Variants in SLC2A9 observed in about 807,000 individuals in gnomAD.
SLC2A9 encodes the protein solute carrier family 2, facilitated glucose transporter member 9.
A neutral mutation model predicts 50.6 loss-of-function variants in SLC2A9; 39 were observed. That is an observed-to-expected ratio of 0.77 (90% confidence interval 0.60 to 1.01). The LOEUF (loss-of-function observed/expected upper bound fraction) is 1.01, where lower values mean the gene tolerates loss of function less well. SLC2A9 is among the 50% of genes least tolerant of loss of function. The pLI is 0.00. For missense variants in SLC2A9, 686 were observed against 677.6 expected, an observed-to-expected ratio of 1.01 and a Z score of -0.14; for synonymous variants, 324 against 276.9, an observed-to-expected ratio of 1.17 and a Z score of -1.69.
At chr4:9,973,781 C>T (rs931305043) in intron 5 of SLC2A9, among the ~76,000 whole-genome samples, 2 of 150,328 alleles carry the variant, frequency 1.3e-5, no homozygotes, top group African/African-American at 4.9e-5. Flanking sequence ...TTAATGGGTG[C>T]AACACACCAA....
At chr4:9,952,536 CT>C (rs756143497) in intron 5 of SLC2A9, among the ~76,000 whole-genome samples, 2,471 of 69,238 alleles carry the variant, frequency 0.036, 63 homozygotes, top group African/African-American at 0.14. Context: ...ATCTGTCTGT[CT>C]TTTTTTTTTT....
At chr4:9,927,800 A>G (rs574203082) in intron 6 of SLC2A9, among the ~76,000 whole-genome samples, 71 of 152,318 alleles carry the variant, frequency 4.7e-4, no homozygotes, top group African/African-American at 1.3e-3. Flanking sequence ...CACATGGCCT[A>G]TGTGACTGGG....
At chr4:9,889,194 A>G (rs949085648) in intron 9 of SLC2A9, among the ~76,000 whole-genome samples, 2 of 123,114 alleles carry the variant, frequency 1.6e-5, no homozygotes, top group African/African-American at 6.5e-5. Flanking sequence ...GTGTCCAGGA[A>G]TGTCCAAGGC....
chr4:9,980,726 T>C lies in SLC2A9; in HGVS notation c.547A>G (p.Ser183Gly), dbSNP rs773461112. Residue 183 changes from serine to glycine, a missense_variant, in exon 5 of 12, where the codon AGT becomes GGT. Ser to Gly is a moderately conservative substitution (Grantham distance 56). Transcript: ENST00000264784. ...TCACTAAGGTACATGGGGAGCACAC[T>C]GAGGGCGACGCCTGTAGAGAGAAAG... The part of the protein sequence containing the change: ...IMGIDGGVAL[S>G]VLPMYLSEIS... 22 of 1,614,008 alleles carry C rather than the reference T, an allele frequency of 1.4e-5. No individual in the cohort carries two copies. The East Asian group carries it at 4.7e-4, about 34-fold the overall frequency.
rs112484524 is a variant in SLC2A9, at chr4:9,892,352, A to G, written c.1114-1641T>C. Among the ~76,000 whole-genome samples, 928 of 149,528 alleles carry G rather than the reference A, an allele frequency of 6.2e-3. 8 individuals are homozygous for G. The highest frequency in any genetic ancestry group is 0.022 in the African/African-American group (873 of 40,404). On this transcript the variant is annotated intron_variant, in intron 8 of 11. Coordinates refer to ENST00000264784, the MANE Select transcript of SLC2A9 (RefSeq NM_020041.3). ...GAAAATGTGCCTGGCTGATGACCAC[A>G]TGTCTCTAAAAGCATCCAAGACTTC... is the stretch of plus-strand genomic sequence containing the variant.
intron 2 of SLC2A9, among the ~76,000 whole-genome samples, chr4:10,001,279 T>C (rs1290503089): frequency 6.6e-6 from 1 of 151,884 alleles, no homozygotes; most frequent in Non-Finnish European, 1.5e-5. Flanking sequence ...GTCACTAGAG[T>C]GGGCCCTAAT....
chr4:9,901,721 CCT>C, intron 8 of SLC2A9, among the ~76,000 whole-genome samples: 1 of 152,314 alleles, frequency 6.6e-6, no homozygotes, highest in East Asian at 1.9e-4. Flanking sequence ...CATCCTTGCC[CCT>C]GCCTTGGGCT....
chr4:9,913,336 A>T (rs147111648), intron 7 of SLC2A9, among the ~76,000 whole-genome samples: 2,119 of 128,894 alleles, frequency 0.016, 33 homozygotes, highest in African/African-American at 0.048. Context: ...TGTGTGAGAG[A>T]GAGAGAGAGA....
chr4:9,867,283 G>C (rs1348869323), intron 10 of SLC2A9, among the ~76,000 whole-genome samples: 7 of 152,204 alleles, frequency 4.6e-5, no homozygotes, highest in Admixed American at 4.6e-4. Context: ...AGTAGACGCA[G>C]TGTTTCCTTC....
intron 3 of SLC2A9, among the ~76,000 whole-genome samples, chr4:9,805,259 C>T (rs188409586): frequency 2.8e-4 from 43 of 152,346 alleles, no homozygotes; most frequent in Admixed American, 3.9e-4. Flanking sequence ...CTCCATGGGA[C>T]GCTGCTGATT....
At chr4:10,007,723 T>C (rs1275859769) in intron 2 of SLC2A9, among the ~76,000 whole-genome samples, 1 of 152,224 alleles carries the variant, frequency 6.6e-6, no homozygotes, top group Non-Finnish European at 1.5e-5. Context: ...TATTTTGCTC[T>C]CCTTTTTGCA....
chr4:10,036,540 T>G (rs917186619), intron 1 of SLC2A9, among the ~76,000 whole-genome samples: 1 of 152,258 alleles, frequency 6.6e-6, no homozygotes, highest in South Asian at 2.1e-4. Flanking sequence ...TACCCTTTGT[T>G]GTCCTGCTTT....
intron 11 of SLC2A9, among the ~76,000 whole-genome samples, chr4:9,832,872 T>C (rs1227524079): frequency 6.6e-6 from 1 of 152,126 alleles, no homozygotes; most frequent in Non-Finnish European, 1.5e-5. Context: ...GGCATGTTGG[T>C]GCTGTTAATG....
intron 10 of SLC2A9, among the ~76,000 whole-genome samples, chr4:9,860,351 G>A (rs1448276469): frequency 6.6e-6 from 1 of 152,202 alleles, no homozygotes; most frequent in Non-Finnish European, 1.5e-5. Flanking sequence ...CATCCTTATG[G>A]ATTCATGAGT....
At chr4:9,922,525 TC>T (rs1369603657) in intron 6 of SLC2A9, among the ~76,000 whole-genome samples, 1 of 152,130 alleles carries the variant, frequency 6.6e-6, no homozygotes, top group Non-Finnish European at 1.5e-5. Context: ...AATTTAACCT[TC>T]CTATTGTATA....
chr4:9,778,751 G>C (rs1030382655), downstream of SLC2A9, among the ~76,000 whole-genome samples: 1 of 152,198 alleles, frequency 6.6e-6, no homozygotes, highest in African/African-American at 2.4e-5. Flanking sequence ...AGAGCAGAGG[G>C]AGAAAGGAGG....
At chr4:9,927,807 TG>T (rs1198819868) in intron 6 of SLC2A9, among the ~76,000 whole-genome samples, 1 of 152,184 alleles carries the variant, frequency 6.6e-6, no homozygotes, top group Non-Finnish European at 1.5e-5. Context: ...CCTATGTGAC[TG>T]GGGATCAGGG....
At chr4:9,979,590 CT>C (rs1258016565) in intron 5 of SLC2A9, among the ~76,000 whole-genome samples, 2 of 152,102 alleles carry the variant, frequency 1.3e-5, no homozygotes, top group African/African-American at 2.4e-5. Flanking sequence ...CAGCTGCATC[CT>C]TCCCTTACCA....
At chr4:10,000,905 G>A (rs1463060651) in intron 2 of SLC2A9, among the ~76,000 whole-genome samples, 3 of 152,100 alleles carry the variant, frequency 2.0e-5, no homozygotes, top group African/African-American at 7.2e-5. Flanking sequence ...TCCTGCCCTT[G>A]ATCCAATCTC....
Sources: gnomAD v4.1 joint callset for allele counts (sites outside exome capture counted in the v4.1 genomes callset) on GRCh38, gnomAD v4.1.1 for gene constraint, MANE v1.5 for transcripts, NCBI Gene and HGNC (gene_info 2026-07-23, HGNC 2026-07-21) for gene names.